The following SPRED2 variants were observed in gnomAD, a reference collection of about 807,000 sequenced individuals.
The protein encoded by SPRED2 is sprouty related EVH1 domain containing 2.
In SPRED2, 47 loss-of-function variants were observed where a neutral mutation model predicts 43.0. The observed-to-expected ratio is 1.09, with a 90% CI of 0.87 to 1.40. SPRED2 has a LOEUF of 1.40. Among genes scored for constraint, SPRED2 ranks in the 40% most tolerant of loss-of-function variants. The probability of loss-of-function intolerance (pLI) is 0.00; values close to 1 mark genes in which losing one functional copy is unlikely to be tolerated. For synonymous variants in SPRED2, 225 were observed against 225.7 expected, an observed-to-expected ratio of 1.00 and a Z score of 0.03; for missense variants, 561 against 586.4, an observed-to-expected ratio of 0.96 and a Z score of 0.45.
At chr2:65,363,005 G>GTTTTTTTTTTTTT (rs113081105) in intron 1 of SPRED2, among the ~76,000 whole-genome samples, 4 of 121,072 alleles carry the variant, frequency 3.3e-5, no homozygotes, top group African/African-American at 1.3e-4. Flanking sequence ...ATCATGTTTT[G>GTTTTTTTTTTTTT]TTTTTTTTTT....
At chr2:65,393,318 TC>T (rs1279077660) in intron 1 of SPRED2, among the ~76,000 whole-genome samples, 1 of 140,274 alleles carries the variant, frequency 7.1e-6, no homozygotes, top group Non-Finnish European at 1.5e-5. Flanking sequence ...TAGTGATTAA[TC>T]ATAAGGCTTT....
intron 4 of SPRED2, among the ~76,000 whole-genome samples, chr2:65,323,930 G>A (rs960480805): frequency 2.0e-5 from 3 of 151,990 alleles, no homozygotes; most frequent in Non-Finnish European, 2.9e-5. Flanking sequence ...GGTGCTTTGC[G>A]GGATGTGGGC....
downstream of SPRED2, among the ~76,000 whole-genome samples, chr2:65,307,755 G>A (rs1405389473): frequency 2.0e-5 from 3 of 152,186 alleles, no homozygotes; most frequent in African/African-American, 7.2e-5. Context: ...GATTTGCACA[G>A]TTACAACTGG....
chr2:65,371,837 A>T (rs1675132129), intron 1 of SPRED2, among the ~76,000 whole-genome samples: 1 of 152,060 alleles, frequency 6.6e-6, no homozygotes, highest in Non-Finnish European at 1.5e-5. Context: ...GCACTTTGGG[A>T]GGCCGGGGCA....
intron 1 of SPRED2, among the ~76,000 whole-genome samples, chr2:65,354,351 G>C (rs918872138): frequency 1.3e-5 from 2 of 152,180 alleles, no homozygotes; most frequent in Non-Finnish European, 2.9e-5. Context: ...AGGCACACTG[G>C]AAGTTACCTC....
At chr2:65,321,706 C>T (rs1470947670) in intron 4 of SPRED2, among the ~76,000 whole-genome samples, 1 of 152,078 alleles carries the variant, frequency 6.6e-6, no homozygotes, top group Non-Finnish European at 1.5e-5. Flanking sequence ...GTGTTTACAT[C>T]TGTAAAATTG....
intron 1 of SPRED2, among the ~76,000 whole-genome samples, chr2:65,412,146 G>GAAAGAA (rs60221852): frequency 0.32 from 48,643 of 149,720 alleles, 8,774 homozygotes; most frequent in Non-Finnish European, 0.42. Context: ...AGAAAAGAAA[G>GAAAGAA]AAAGAAAAAG....
At chr2:65,357,394 A>G (rs754292975) in intron 1 of SPRED2, among the ~76,000 whole-genome samples, 26 of 152,204 alleles carry the variant, frequency 1.7e-4, no homozygotes, top group Non-Finnish European at 3.5e-4. Flanking sequence ...ATTCATACAA[A>G]GAACTGTGGA....
chr2:65,351,314 T>C (rs1431687448), intron 1 of SPRED2, among the ~76,000 whole-genome samples: 2 of 152,222 alleles, frequency 1.3e-5, no homozygotes, highest in Non-Finnish European at 2.9e-5. Flanking sequence ...ATCTGTGAAC[T>C]GGCCCTCTGC....
At chr2:65,330,567 T>G (rs1236972390) in intron 4 of SPRED2, among the ~76,000 whole-genome samples, 1 of 152,174 alleles carries the variant, frequency 6.6e-6, no homozygotes, top group Non-Finnish European at 1.5e-5. Flanking sequence ...TCCCCCATTA[T>G]CAACATCCCC....
intron 1 of SPRED2, chr2:65,378,120 G>A (rs1328615546): frequency 5.6e-6 from 1 of 177,954 alleles, no homozygotes; most frequent in Non-Finnish European, 1.2e-5. Flanking sequence ...AAGTGCATAT[G>A]CATCGTTACC....
At chr2:65,354,645 GT>G (rs34759662) in intron 1 of SPRED2, among the ~76,000 whole-genome samples, 16,655 of 145,986 alleles carry the variant, frequency 0.11, 1,349 homozygotes, top group Non-Finnish European at 0.16. Context: ...ATATTTGTTG[GT>G]TTTTTTTTTT....
intron 4 of SPRED2, among the ~76,000 whole-genome samples, chr2:65,322,600 C>T (rs1364798329): frequency 6.6e-6 from 1 of 151,928 alleles, no homozygotes; most frequent in East Asian, 1.9e-4. Flanking sequence ...GCCTCCTTTC[C>T]AATATTTATA....
chr2:65,324,240 A>G (rs781113194), intron 4 of SPRED2, among the ~76,000 whole-genome samples: 8 of 152,156 alleles, frequency 5.3e-5, no homozygotes, highest in Non-Finnish European at 7.3e-5. Flanking sequence ...GATATTTCCC[A>G]TAACTCTAGA....
At chr2:65,390,912 C>T (rs752724317) in intron 1 of SPRED2, among the ~76,000 whole-genome samples, 4 of 151,826 alleles carry the variant, frequency 2.6e-5, no homozygotes, top group African/African-American at 4.8e-5. Flanking sequence ...TGTAAAACCC[C>T]GTCTCTACAA....
intron 1 of SPRED2, 22 bp downstream of exon 1, chr2:65,431,940 C>G: frequency 6.2e-7 from 1 of 1,613,780 alleles, no homozygotes; most frequent in Non-Finnish European, 8.5e-7. Flanking sequence ...GCACCCTCGT[C>G]CCACCCCGCG....
intron 1 of SPRED2, among the ~76,000 whole-genome samples, chr2:65,401,187 G>A (rs1457081666): frequency 6.6e-6 from 1 of 151,558 alleles, no homozygotes; most frequent in Non-Finnish European, 1.5e-5. Context: ...CGTTGGCCAG[G>A]CTGGTCTTGA....
intron 1 of SPRED2, among the ~76,000 whole-genome samples, chr2:65,419,615 GTGTT>G (rs1184870450): frequency 1.6e-5 from 2 of 126,902 alleles, no homozygotes; most frequent in Non-Finnish European, 3.4e-5. Context: ...GTGTGTGTGT[GTGTT>G]TATTAACTGT....
downstream of SPRED2, chr2:65,308,409 T>A: frequency 1.0e-6 from 1 of 985,264 alleles, no homozygotes; most frequent in Non-Finnish European, 1.2e-6. Context: ...CCTGGAGGGG[T>A]CAGCAAGAAA....
Sources: gnomAD v4.1 joint callset for allele counts (sites outside exome capture counted in the v4.1 genomes callset) on GRCh38, gnomAD v4.1.1 for gene constraint, MANE v1.5 for transcripts, NCBI Gene and HGNC (gene_info 2026-07-23, HGNC 2026-07-21) for gene names.